The following TJP2 variants were observed in gnomAD, a reference collection of about 807,000 sequenced individuals.
TJP2 encodes the protein tight junction protein 2, also known as Friedreich ataxia region gene X104 (tight junction protein ZO-2).
Under a neutral mutation model 133.1 loss-of-function variants are expected in TJP2, and 91 were observed. That is an observed-to-expected ratio of 0.68 (90% CI 0.58 to 0.81). The LOEUF (loss-of-function observed/expected upper bound fraction) is 0.81. Ranked by LOEUF, TJP2 falls within the 40% of genes least tolerant of loss-of-function variation. The pLI is 0.00. For synonymous variants in TJP2, 592 were observed against 583.4 expected (o/e 1.01, Z -0.21); for missense variants, 1,541 against 1,565.6 (o/e 0.98, Z 0.26).
intron 1 of TJP2, among the ~76,000 whole-genome samples, chr9:69,188,883 A>C (rs953491107): frequency 6.6e-5 from 10 of 152,316 alleles, no homozygotes; most frequent in Admixed American, 6.5e-4. Flanking sequence ...CATTAATATC[A>C]GGAAAAACTT....
Position 69,240,466 on chromosome 9 carries a change from G to A in TJP2, c.2566+319G>A, listed in dbSNP as rs566492054. ...AAACACCTATGTCTCTCTAGAGATT[G>A]TGTCATTGTTCTCTACTCACCATCA... On this transcript the variant is annotated intron_variant, in intron 17 of 22. Transcript: ENST00000377245. Among the ~76,000 whole-genome samples the A allele has an allele frequency of 2.6e-5, 4 of 152,324 alleles. No individual in the cohort carries two copies. The South Asian group carries it at 8.3e-4, about 32-fold the overall frequency.
At chr9:69,148,247 ATT>A (rs757371061) in intron 1 of TJP2, among the ~76,000 whole-genome samples, 4 of 83,318 alleles carry the variant, frequency 4.8e-5, no homozygotes, top group Non-Finnish European at 4.8e-5. Context: ...ATTTTTTTTA[ATT>A]TTTTTTTTTT....
intron 11 of TJP2, among the ~76,000 whole-genome samples, chr9:69,232,485 C>G (rs528653383): frequency 6.6e-6 from 1 of 152,130 alleles, no homozygotes; most frequent in South Asian, 2.1e-4. Flanking sequence ...CTGCCCTAGC[C>G]TTTTTTCACT....
intron 1 of TJP2, among the ~76,000 whole-genome samples, chr9:69,195,259 A>G (rs1480975791): frequency 6.6e-6 from 1 of 152,182 alleles, no homozygotes; most frequent in Non-Finnish European, 1.5e-5. Context: ...GTTTAAAATT[A>G]TAGGGTACAC....
intron 2 of TJP2, among the ~76,000 whole-genome samples, chr9:69,213,836 C>T (rs1828134174): frequency 6.6e-6 from 1 of 152,182 alleles, no homozygotes; most frequent in Non-Finnish European, 1.5e-5. Flanking sequence ...GGAGCTGCCT[C>T]TGTCTAAAAC....
Position 69,230,205 on chromosome 9 carries a change from C to T in TJP2, c.1644C>T (p.Gly548=). The T allele has an allele frequency of 1.2e-6, 2 of 1,614,108 alleles. No homozygotes were observed. The highest frequency in any genetic ancestry group is 1.7e-6 in the Non-Finnish European group (2 of 1,180,006). The change falls in exon 11 of 23, where the codon GGC becomes GGT. Residue 548 remains glycine, a synonymous_variant. Transcript: ENST00000377245. The stretch of plus-strand genomic sequence containing the variant: ...AAGGGACCTCGGCGGAGCAGGAGGG[C>T]CTTCAAGAAGGAGACCAGATTCTGA... ...IQEGTSAEQE[G]LQEGDQILKV...
intron 5 of TJP2, among the ~76,000 whole-genome samples, chr9:69,221,727 G>A (rs1422965400): frequency 1.3e-5 from 2 of 150,948 alleles, no homozygotes; most frequent in African/African-American, 4.9e-5. Context: ...CTAATTTTAT[G>A]TTTTTAGTGG....
chr9:69,221,128 G>C lies in TJP2; in HGVS notation c.584G>C (p.Arg195Pro), dbSNP rs757553147. 1.3e-6 allele frequency: 2 copies of C among 1,588,448 alleles called. No individual in the cohort carries two copies. The highest frequency in any genetic ancestry group is 1.1e-5 in the South Asian group (1 of 88,068). Residue 195 changes from arginine (R) to proline (P), a missense_variant, in exon 5 of 23, where the codon CGG becomes CCG. Coordinates refer to ENST00000377245, the MANE Select transcript of TJP2 (RefSeq NM_004817.4). ...CGGGAGCGGGACCTCAGCCGGGACC[G>C]GAGCCGTGGCCGGAGCCTGGAGCGG... ...RSRERDLSRD[R>P]SRGRSLERGL...
In TJP2 at chr9:69,183,937, A is replaced by G. The variant is rs149509958; in HGVS notation, c.60+9505A>G. Among the ~76,000 whole-genome samples, 435 of 151,940 alleles carry G rather than the reference A, an allele frequency of 2.9e-3. 2 individuals carry two copies. The highest frequency in any genetic ancestry group is 9.9e-3 in the African/African-American group (410 of 41,426). On this transcript the variant is annotated intron_variant, in intron 1 of 22. Transcript: ENST00000377245. ...TTTAGTAGAGACAGGTTTCTCTTCA[A>G]CTCCTGAGTTCAAGCAGTCTGCCCA...
At chr9:69,197,816 A>G (rs959395835) in intron 1 of TJP2, among the ~76,000 whole-genome samples, 1 of 152,148 alleles carries the variant, frequency 6.6e-6, no homozygotes, top group African/African-American at 2.4e-5. Context: ...GCTTAGACCC[A>G]GGTGTGTGTG....
chr9:69,170,108 A>G (rs1010084194), upstream of TJP2, among the ~76,000 whole-genome samples: 14 of 152,186 alleles, frequency 9.2e-5, no homozygotes, highest in Non-Finnish European at 1.5e-4. Context: ...CTAGCCTCCC[A>G]AAGTGCTGGG....
intron 1 of TJP2, among the ~76,000 whole-genome samples, chr9:69,200,017 A>G (rs1254414773): frequency 6.6e-6 from 1 of 152,064 alleles, no homozygotes; most frequent in African/African-American, 2.4e-5. Context: ...TCCAGTTTTC[A>G]CACTTACCTT....
chr9:69,240,230 G>T, intron 17 of TJP2, 83 bp downstream of exon 17: 1 of 1,321,316 alleles, frequency 7.6e-7, no homozygotes, highest in Non-Finnish European at 1.1e-6. Flanking sequence ...TAATTAATCT[G>T]AATGGAGAAT....
intron 1 of TJP2, among the ~76,000 whole-genome samples, chr9:69,189,317 T>C (rs1826059827): frequency 6.6e-6 from 1 of 152,174 alleles, no homozygotes; most frequent in African/African-American, 2.4e-5. Context: ...TCTTTCCTGT[T>C]TCTCCACTGA....
chr9:69,121,450 A>AT (rs561451786), upstream of TJP2: 644 of 655,494 alleles, frequency 9.8e-4, 11 homozygotes, highest in East Asian at 0.014. Flanking sequence ...CCCACCCTGG[A>AT]TTTTTTTTCC....
chr9:69,223,131 A>G (rs1829036601), intron 5 of TJP2, among the ~76,000 whole-genome samples: 1 of 151,330 alleles, frequency 6.6e-6, no homozygotes, highest in Non-Finnish European at 1.5e-5. Context: ...TATGTTAATA[A>G]GCTCTCCTAG....
chr9:69,166,114 CT>C (rs1824339740), intron 2 of TJP2, among the ~76,000 whole-genome samples: 3 of 36,638 alleles, frequency 8.2e-5, no homozygotes, highest in African/African-American at 2.5e-4. Context: ...ACAGCTAATT[CT>C]TTTTTATTTT....
At chr9:69,249,182 T>C in intron 19 of TJP2, 193 bp from the exon 20 acceptor site, 1 of 985,434 alleles carries the variant, frequency 1.0e-6, no homozygotes, top group Middle Eastern at 5.2e-4. Flanking sequence ...AGACTCTACA[T>C]TGGATGCAGC....
At chr9:69,226,389 G>A (rs1051451746) in intron 7 of TJP2, among the ~76,000 whole-genome samples, 2 of 152,180 alleles carry the variant, frequency 1.3e-5, no homozygotes, top group Admixed American at 6.5e-5. Context: ...GTGCATTTGC[G>A]AACTCTCAGA....
Sources: gnomAD v4.1 joint callset for allele counts (sites outside exome capture counted in the v4.1 genomes callset) on GRCh38, gnomAD v4.1.1 for gene constraint, MANE v1.5 for transcripts, NCBI Gene and HGNC (gene_info 2026-07-23, HGNC 2026-07-21) for gene names.